WDR6: variants seen among roughly 807,000 people sequenced by gnomAD.
WDR6 encodes tRNA (34-2'-O)-methyltransferase regulator WDR6.
In WDR6, 58 loss-of-function variants were observed where a neutral mutation model predicts 85.6. That is an observed-to-expected ratio of 0.68 (90% confidence interval 0.55 to 0.84). The LOEUF (loss-of-function observed/expected upper bound fraction) is 0.84, where lower values mean the gene tolerates loss of function less well. WDR6 is among the 40% of genes least tolerant of loss of function. The pLI, the probability that WDR6 is intolerant of heterozygous loss-of-function variation, is 0.00. For missense variants in WDR6, 1,310 were observed against 1,476.4 expected (o/e 0.89, Z 1.85); for synonymous variants, 569 against 582.2 (o/e 0.98, Z 0.33).
Position 49,007,895 on chromosome 3 carries a change from G to T in WDR6, c.100+364G>T, listed in dbSNP as rs1158873194. ...CTTCTAGGAGATGGGCGGGGGCTTG[G>T]CCTCTCCGAAGGAGACGGGGCCGAG... On this transcript the variant is annotated intron_variant, in intron 1 of 5. Coordinates refer to ENST00000608424, the MANE Select transcript of WDR6 (RefSeq NM_018031.6). The surrounding 1 kb of genome is among the most constrained non-coding windows in gnomAD (Gnocchi z 5.1). Among the ~76,000 whole-genome samples the T allele has an allele frequency of 7.8e-6, 1 of 128,688 alleles. No homozygotes were observed. The highest frequency in any genetic ancestry group is 2.9e-5 in the African/African-American group (1 of 34,564). The allele number at this position is 128,688 out of a possible 152,430, so 84.4% of individuals were successfully genotyped here. A position where few individuals can be genotyped will look rare whatever the true frequency, so the allele number is the denominator to read the frequency against.
At position 49,007,810 on chromosome 3, in the gene WDR6, C is replaced by T. The variant is rs1463580147; in HGVS notation, c.100+279C>T. Among the ~76,000 whole-genome samples the T allele has an allele frequency of 1.3e-5, 2 of 151,736 alleles. No homozygotes were observed. Among genetic ancestry groups the T allele is most frequent in the Non-Finnish European group, 2.9e-5 (2 of 67,950 alleles). The stretch of plus-strand genomic sequence containing the variant: ...GGAACCGCGGGAGGGTGCAGGGGAA[C>T]GCGGCCGCGCGGAGGCGGAGGCGGA... On this transcript the variant is annotated intron_variant, in intron 1 of 5. Coordinates refer to ENST00000608424, the MANE Select transcript of WDR6 (RefSeq NM_018031.6). The surrounding 1 kb of genome is among the most constrained non-coding windows in gnomAD (Gnocchi z 5.1).
rs1385522561 is a variant in WDR6 at position 49,014,626 on chromosome 3, C to A, written c.2810C>A (p.Thr937Asn). 2 of 1,613,740 alleles carry A rather than the reference C, an allele frequency of 1.2e-6. No individual in the cohort carries two copies. The highest frequency in any genetic ancestry group is 1.7e-6 in the Non-Finnish European group (2 of 1,180,000). The change falls in exon 5 of 6, where the codon ACT becomes AAT. Residue 937 changes from threonine (T) to asparagine (N), a missense_variant. By Grantham distance (65) the Thr-to-Asn change is moderately conservative. Transcript: ENST00000608424. This position sits in a 1 kb window ranked among gnomAD's most constrained non-coding sequence, Gnocchi z 4.9. ...RRRLLLCSAA[T>N]DGSLAFWDLT... ...AGGCTCCTCCTGTGCAGCGCAGCTA[C>A]TGATGGCAGCCTGGCTTTCTGGGAT...
Position 49,012,122 on chromosome 3 carries a change from C to A in WDR6, c.588C>A (p.Asn196Lys). The change falls in exon 2 of 6, where the codon AAC becomes AAA. Residue 196 changes from asparagine (N) to lysine (K), a missense_variant. By Grantham distance (94) the Asn-to-Lys change is moderately conservative. Transcript: ENST00000608424. This position sits in a 1 kb window ranked among gnomAD's most constrained non-coding sequence, Gnocchi z 4.4. ...VWYPATALAD[N>K]KPVAPDRRIS... Reference sequence around the variant, plus strand: ...ACCCAGCAACTGCCTTAGCAGACAACAAACCTGTAGCACCTGACCGACGAA... The same window carrying A: ...ACCCAGCAACTGCCTTAGCAGACAAAAAACCTGTAGCACCTGACCGACGAA... 1 of 1,614,156 alleles carries A rather than the reference C, an allele frequency of 6.2e-7. No homozygotes were observed. The highest frequency in any genetic ancestry group is 8.5e-7 in the Non-Finnish European group (1 of 1,180,046).
In WDR6 at chr3:49,012,591, G is replaced by C. The variant is rs1275773651; in HGVS notation, c.1057G>C (p.Ala353Pro). ...KSRSRPGTLK[A>P]VTLAGSWRLL... Reference sequence around the variant, plus strand: ...CCGTAGTAGGCCAGGTACACTCAAGGCTGTGACTCTGGCTGGCTCTTGGCG... The same window carrying C: ...CCGTAGTAGGCCAGGTACACTCAAGCCTGTGACTCTGGCTGGCTCTTGGCG... The change falls in exon 2 of 6, where the codon GCT becomes CCT. Residue 353 changes from alanine (A) to proline (P), a missense_variant. Ala to Pro is a conservative substitution (Grantham distance 27). Coordinates refer to ENST00000608424, the MANE Select transcript of WDR6 (RefSeq NM_018031.6). The surrounding 1 kb of genome is among the most constrained non-coding windows in gnomAD (Gnocchi z 4.4). The C allele has an allele frequency of 6.2e-7, 1 of 1,614,098 alleles. No homozygotes were observed. Among genetic ancestry groups the C allele is most frequent in the Non-Finnish European group, 8.5e-7 (1 of 1,180,014 alleles).
In WDR6 at chr3:49,015,465, G is replaced by C. The variant is rs913869866; in HGVS notation, c.*177G>C. On this transcript the variant is annotated 3_prime_UTR_variant, in exon 6 of 6. Coordinates refer to ENST00000608424, the MANE Select transcript of WDR6 (RefSeq NM_018031.6). ...GTGGAGTGCTGCCAAGAATATGCCC[G>C]ACTCCCCATGACAAGACAGAACTTT... is the stretch of plus-strand genomic sequence containing the variant. 6.7e-7 allele frequency: 1 copy of C among 1,484,898 alleles called. No homozygotes were observed. Among genetic ancestry groups the C allele is most frequent in the East Asian group, 2.3e-5 (1 of 43,918 alleles). The allele number at this position is 1,484,898 out of a possible 1,614,324, so 92.0% of individuals were successfully genotyped here. A position where few individuals can be genotyped will look rare whatever the true frequency, so the allele number is the denominator to read the frequency against.
chr3:49,007,398 T>C lies in WDR6; in HGVS notation c.-34T>C, dbSNP rs1263047157. 2.5e-6 allele frequency: 4 copies of C among 1,594,996 alleles called. No homozygotes were observed. The highest frequency in any genetic ancestry group is 2.6e-6 in the Non-Finnish European group (3 of 1,171,624). On this transcript the variant is annotated 5_prime_UTR_variant, in exon 1 of 6. Coordinates refer to ENST00000608424, the MANE Select transcript of WDR6 (RefSeq NM_018031.6). The surrounding 1 kb of genome is among the most constrained non-coding windows in gnomAD (Gnocchi z 5.1). The stretch of plus-strand genomic sequence containing the variant: ...TCTCGCGAGAGTTCAGCTCCCTTCT[T>C]AGCCGTGGCTGCCTCAGCACCTCGA...
Position 49,015,102 on chromosome 3 carries a change from C to T in WDR6, c.3180C>T (p.Val1060=). ...GLKILSPSIM[V]SASIDQRLTF... The stretch of plus-strand genomic sequence containing the variant: ...AGATCCTAAGCCCAAGCATCATGGT[C>T]TCAGCCTCCATTGATCAACGGCTGA... The change falls in exon 6 of 6, where the codon GTC becomes GTT. Residue 1060 remains valine (V), a synonymous_variant. Transcript: ENST00000608424. 1 of 1,614,144 alleles carries T rather than the reference C, an allele frequency of 6.2e-7. No individual in the cohort carries two copies. Among genetic ancestry groups the T allele is most frequent in the South Asian group, 1.1e-5 (1 of 91,088 alleles).
At chr3:49,011,376 G>A (rs763084574) in intron 1 of WDR6, 2 of 1,329,498 alleles carry the variant, frequency 1.5e-6, no homozygotes, top group Non-Finnish European at 2.0e-6. Flanking sequence ...ACCGTGCCTG[G>A]CCGAGACCAA....
rs762963629 is a variant in WDR6, at chr3:49,014,876, G to A, written c.2954G>A (p.Ser985Asn). 1.2e-6 allele frequency: 2 copies of A among 1,613,020 alleles called. No individual in the cohort carries two copies. The highest frequency in any genetic ancestry group is 1.7e-6 in the Non-Finnish European group (2 of 1,179,186). The change falls in exon 6 of 6, where the codon AGC (serine) becomes AAC (asparagine). Residue 985 changes from serine (S) to asparagine (N), a missense_variant. Physicochemically the swap from Ser to Asn is conservative, Grantham distance 46 (BLOSUM62 1). Transcript: ENST00000608424. This position sits in a 1 kb window ranked among gnomAD's most constrained non-coding sequence, Gnocchi z 4.9. Reference protein sequence around the residue: ...TLQAHSCGINSLHTLPTREGH... With the variant: ...TLQAHSCGINNLHTLPTREGH... ...CAGGCCCACAGCTGTGGTATCAACA[G>A]CCTGCACACCTTGCCCACCCGTGAG...
Position 49,014,183 on chromosome 3 carries a change from C to G in WDR6, c.2583-27C>G. On this transcript the variant is annotated intron_variant, in intron 2 of 5. Transcript: ENST00000608424. The surrounding 1 kb of genome is among the most constrained non-coding windows in gnomAD (Gnocchi z 4.9). ...GATGCTCCCAGGCTTGCAGGCTCCA[C>G]CTGACAGCTGCATGTTGTCTCTGCA... 1 of 1,614,172 alleles carries G rather than the reference C, an allele frequency of 6.2e-7. No individual in the cohort carries two copies.
In WDR6 at chr3:49,012,989, G is replaced by GCTGCCCCC. The variant is rs1212572525; in HGVS notation, c.1456_1463dup (p.Ser489CysfsTer57). On this transcript the variant is annotated frameshift_variant, in exon 2 of 6. Transcript: ENST00000608424. LOFTEE classifies it high-confidence loss of function. This position sits in a 1 kb window ranked among gnomAD's most constrained non-coding sequence, Gnocchi z 4.4. ...TTGTCAAGGAACGTTGTCGGTACCT[G>GCTGCCCCC]CTGCCCCCAAGCAAGCAGAGATGGC... is the stretch of plus-strand genomic sequence containing the variant. 6.2e-7 allele frequency: 1 copy of GCTGCCCCC among 1,613,872 alleles called. No homozygotes were observed. Among genetic ancestry groups the GCTGCCCCC allele is most frequent in the Admixed American group, 1.7e-5 (1 of 59,978 alleles).
rs1353571581 is a variant in WDR6, at chr3:49,015,657, C to T, written c.*369C>T. On this transcript the variant is annotated 3_prime_UTR_variant, in exon 6 of 6. Coordinates refer to ENST00000608424, the MANE Select transcript of WDR6 (RefSeq NM_018031.6). ...TATGGAGCACCTCACGCACAGCTCTCAGAAGCTGCAGGCGGACGAACATCT... is the reference window on the plus strand; with the variant it reads ...TATGGAGCACCTCACGCACAGCTCTTAGAAGCTGCAGGCGGACGAACATCT... The T allele has an allele frequency of 6.2e-7, 1 of 1,614,164 alleles. No homozygotes were observed. The highest frequency in any genetic ancestry group is 1.1e-5 in the South Asian group (1 of 91,082).
Position 49,013,948 on chromosome 3 carries a change from CG to C in WDR6, c.2421del (p.Arg808GlyfsTer33), listed in dbSNP as rs750038548. 3.1e-6 allele frequency: 5 copies of C among 1,612,212 alleles called. No homozygotes were observed. The highest frequency in any genetic ancestry group is 1.7e-5 in the Admixed American group (1 of 59,994). On this transcript the variant is annotated frameshift_variant, in exon 2 of 6. Coordinates refer to ENST00000608424, the MANE Select transcript of WDR6 (RefSeq NM_018031.6). LOFTEE classifies it high-confidence loss of function. The surrounding 1 kb of genome is among the most constrained non-coding windows in gnomAD (Gnocchi z 4.6). ...GGCCTGACTGCCCATGTGGTGTCTG[CG>C]GGGGGGCGGGCTGAGATGCACTGCT... ...QPGLTAHVVS[A>X]GGRAEMHCFS...
chr3:49,011,089 A>ATTTTCTT, intron 1 of WDR6: 1 of 446,082 alleles, frequency 2.2e-6, no homozygotes, highest in Non-Finnish European at 4.5e-6. Context: ...GAGACCAAGG[A>ATTTTCTT]TTTTCTTTTT....
chr3:49,015,661 A>C lies in WDR6; in HGVS notation c.*373A>C. ...GAGCACCTCACGCACAGCTCTCAGA[A>C]GCTGCAGGCGGACGAACATCTGACC... On this transcript the variant is annotated 3_prime_UTR_variant, in exon 6 of 6. Coordinates refer to ENST00000608424, the MANE Select transcript of WDR6 (RefSeq NM_018031.6). 4 of 1,614,144 alleles carry C rather than the reference A, an allele frequency of 2.5e-6. No homozygotes were observed. The highest frequency in any genetic ancestry group is 3.4e-6 in the Non-Finnish European group (4 of 1,180,028).
In WDR6 at chr3:49,007,412, T is replaced by C. The variant is rs903763291; in HGVS notation, c.-20T>C. 1.2e-6 allele frequency: 2 copies of C among 1,604,902 alleles called. No individual in the cohort carries two copies. Among genetic ancestry groups the C allele is most frequent in the Non-Finnish European group, 1.7e-6 (2 of 1,176,486 alleles). On this transcript the variant is annotated 5_prime_UTR_variant, in exon 1 of 6. Transcript: ENST00000608424. This position sits in a 1 kb window ranked among gnomAD's most constrained non-coding sequence, Gnocchi z 5.1. ...AGCTCCCTTCTTAGCCGTGGCTGCC[T>C]CAGCACCTCGAGGATCGACATGGAC...
Position 49,012,876 on chromosome 3 carries a change from T to A in WDR6, c.1342T>A (p.Tyr448Asn). 1.2e-6 allele frequency: 2 copies of A among 1,613,690 alleles called. No individual in the cohort carries two copies. Among genetic ancestry groups the A allele is most frequent in the Non-Finnish European group, 1.7e-6 (2 of 1,179,874 alleles). ...VHSLSWALRG[Y>N]EELLLLASGP... ...CAGCTTGAGCTGGGCCCTGCGTGGTTATGAGGAGCTCCTGTTGCTGGCATC... is the reference window on the plus strand; with the variant it reads ...CAGCTTGAGCTGGGCCCTGCGTGGTAATGAGGAGCTCCTGTTGCTGGCATC... The change falls in exon 2 of 6, where the codon TAT becomes AAT. Residue 448 changes from tyrosine (Y) to asparagine (N), a missense_variant. Coordinates refer to ENST00000608424, the MANE Select transcript of WDR6 (RefSeq NM_018031.6). The surrounding 1 kb of genome is among the most constrained non-coding windows in gnomAD (Gnocchi z 4.4).
Position 49,015,620 on chromosome 3 carries a change from T to TCG in WDR6, c.*332_*333insCG. The TCG allele has an allele frequency of 6.2e-7, 1 of 1,614,120 alleles. No individual in the cohort carries two copies. Among genetic ancestry groups the TCG allele is most frequent in the Non-Finnish European group, 8.5e-7 (1 of 1,180,024 alleles). ...TGGCTCAGTGGAGGGAGACCCAGCA[T>TCG]AGCCAGGCCAGTATGGAGCACCTCA... On this transcript the variant is annotated 3_prime_UTR_variant, in exon 6 of 6. Coordinates refer to ENST00000608424, the MANE Select transcript of WDR6 (RefSeq NM_018031.6).
At chr3:49,009,167 C>G (rs2093001406) in intron 1 of WDR6, 1 of 152,280 alleles carries the variant, frequency 6.6e-6, no homozygotes, top group South Asian at 2.1e-4. Flanking sequence ...TAGGCATGAG[C>G]CACCATACCC....
Sources: allele counts gnomAD v4.1 joint callset (sites outside exome capture counted in the v4.1 genomes callset), GRCh38; gene constraint gnomAD v4.1.1; non-coding constraint Gnocchi (gnomAD v3.1); transcripts MANE v1.5; gene names NCBI Gene and HGNC (gene_info 2026-07-23, HGNC 2026-07-21).